Variants in ASIC2 observed in about 807,000 individuals in gnomAD.
ASIC2 encodes the protein acid-sensing ion channel 2.
Under a neutral mutation model 57.3 loss-of-function variants are expected in ASIC2, and 25 were observed. The observed-to-expected ratio is 0.44, with a 90% CI of 0.32 to 0.61. ASIC2 has a LOEUF of 0.61. ASIC2 is among the 20% of genes least tolerant of loss of function. The probability of loss-of-function intolerance (pLI) is 0.06; values close to 1 mark genes in which losing one functional copy is unlikely to be tolerated. For synonymous variants in ASIC2, 319 were observed against 307.5 expected (o/e 1.04, Z -0.39); for missense variants, 641 against 738.1 (o/e 0.87, Z 1.52).
chr17:33,968,487 C>T lies in ASIC2; in HGVS notation c.555+187491G>A, dbSNP rs184433535. ...CTTTTCCCGCACTGCAAGGGAGAAA[C>T]GGAACAGATTGCAGGAGCAATTAAA... On this transcript the variant is annotated intron_variant, in intron 1 of 9. Coordinates refer to the ASIC2 transcript ENST00000359872. Among the ~76,000 whole-genome samples the T allele has an allele frequency of 2.0e-4, 30 of 152,324 alleles. No homozygotes were observed. The East Asian group carries it at 4.8e-3, about 25-fold the overall frequency.
At chr17:33,957,739 T>A (rs1904781117) in intron 1 of ASIC2, among the ~76,000 whole-genome samples, 1 of 152,090 alleles carries the variant, frequency 6.6e-6, no homozygotes, top group Admixed American at 6.5e-5. Flanking sequence ...ATTATTCCAC[T>A]CCTGGCCCCT....
chr17:33,319,353 GAC>G (rs1375351285), intron 1 of ASIC2, among the ~76,000 whole-genome samples: 5 of 152,206 alleles, frequency 3.3e-5, no homozygotes, highest in African/African-American at 1.2e-4. Flanking sequence ...TCAGGATTGG[GAC>G]ACGTAGCTGC....
chr17:33,150,952 C>A lies in ASIC2; in HGVS notation c.709-38885G>T, dbSNP rs1272851263. On this transcript the variant is annotated intron_variant, in intron 1 of 9. Transcript: ENST00000225823. Reference sequence around the variant, plus strand: ...GGCTGAGGTAGGAGAATTGCTTGAACCCAGGAGGTGGAGGTTGCAGTGAGC... The same window carrying A: ...GGCTGAGGTAGGAGAATTGCTTGAAACCAGGAGGTGGAGGTTGCAGTGAGC... Among the ~76,000 whole-genome samples the A allele has an allele frequency of 4.6e-5, 7 of 151,740 alleles. No individual in the cohort carries two copies. In the East Asian group the frequency reaches 1.4e-3, roughly 29 times the overall value.
intron 1 of ASIC2, among the ~76,000 whole-genome samples, chr17:33,636,522 A>C (rs17836889): frequency 0.35 from 53,777 of 151,966 alleles, 10,026 homozygotes; most frequent in East Asian, 0.5. Context: ...ATTCAGGTGG[A>C]AAGCTTGGGA....
chr17:33,179,229 A>C (rs1424547129), intron 1 of ASIC2, among the ~76,000 whole-genome samples: 1 of 152,154 alleles, frequency 6.6e-6, no homozygotes, highest in African/African-American at 2.4e-5. Flanking sequence ...CCATCCTTCC[A>C]GTTTCTTGGC....
At chr17:33,313,882 T>G (rs1390096721) in intron 1 of ASIC2, among the ~76,000 whole-genome samples, 2 of 152,034 alleles carry the variant, frequency 1.3e-5, no homozygotes, top group Non-Finnish European at 2.9e-5. Context: ...AGACTTGGCC[T>G]GACAGAGATG....
At position 33,547,954 on chromosome 17, in the gene ASIC2, CT is replaced by C. The variant is rs1385727611; in HGVS notation, c.556-435888del. ...GGACAAGAGGAATGACAGATGGCAG[CT>C]GATACAGCCAGCCATCACAGCCAGG... On this transcript the variant is annotated intron_variant, in intron 1 of 9. Transcript: ENST00000359872. Among the ~76,000 whole-genome samples the C allele has an allele frequency of 2.0e-5, 3 of 152,348 alleles. No individual in the cohort carries two copies. In the East Asian group the frequency reaches 5.8e-4, roughly 29 times the overall value.
intron 1 of ASIC2, among the ~76,000 whole-genome samples, chr17:33,859,049 GTAC>G (rs1395822615): frequency 1.3e-5 from 2 of 152,230 alleles, no homozygotes; most frequent in Admixed American, 1.3e-4. Flanking sequence ...TGCTGAGTAT[GTAC>G]TACATGCCAT....
At chr17:34,109,049 ATTT>A (rs11444981) in intron 1 of ASIC2, among the ~76,000 whole-genome samples, 3 of 150,072 alleles carry the variant, frequency 2.0e-5, no homozygotes, top group African/African-American at 7.3e-5. Flanking sequence ...ATTTTATTTT[ATTT>A]TTATTTTATT....
intron 1 of ASIC2, among the ~76,000 whole-genome samples, chr17:33,503,301 T>C (rs1262288488): frequency 6.6e-6 from 1 of 152,188 alleles, no homozygotes; most frequent in Non-Finnish European, 1.5e-5. Flanking sequence ...CTCTATTTAA[T>C]ACCTGTCCTG....
chr17:33,269,690 CCT>C lies in ASIC2; in HGVS notation c.708+21716_708+21717del, dbSNP rs1567805308. ...TCCTTCCTTCCCTCCCTCCCTCCTG[CCT>C]GCCTGCCTGCCTGCCTGCCTTTCCT... On this transcript the variant is annotated intron_variant, in intron 1 of 9. Transcript: ENST00000225823. Among the ~76,000 whole-genome samples the C allele has an allele frequency of 3.5e-3, 223 of 63,890 alleles. 3 individuals are homozygous for C. The highest frequency in any genetic ancestry group is 9.3e-3 in the Middle Eastern group (1 of 108). The allele number at this position is 63,890 out of a possible 152,430, so 41.9% of individuals were successfully genotyped here.
At chr17:33,680,148 A>C (rs1325956426) in intron 1 of ASIC2, among the ~76,000 whole-genome samples, 1 of 152,084 alleles carries the variant, frequency 6.6e-6, no homozygotes, top group African/African-American at 2.4e-5. Context: ...CAGGAGGCTT[A>C]AAGATTGGGA....
At chr17:33,905,831 A>G (rs317351) in intron 1 of ASIC2, among the ~76,000 whole-genome samples, 135,730 of 151,816 alleles carry the variant, frequency 0.89, 60,892 homozygotes, top group African/African-American at 0.97. Flanking sequence ...GTTTTTTTGC[A>G]TCAGGTTCTT....
chr17:34,062,256 A>G (rs771500134), intron 1 of ASIC2, among the ~76,000 whole-genome samples: 26 of 152,168 alleles, frequency 1.7e-4, no homozygotes, highest in Non-Finnish European at 3.5e-4. Context: ...AAATTAAATA[A>G]CCTTCTCCTG....
intron 1 of ASIC2, among the ~76,000 whole-genome samples, chr17:34,099,725 GGAAAGAAGGAAAGAAAGAAAGAAA>G (rs1476778682): frequency 4.5e-5 from 3 of 66,258 alleles, no homozygotes; most frequent in Admixed American, 1.9e-4. Context: ...AAAGAAAGAA[GGAAAGAAGGAAAGAAAGAAAGAAA>G]GAAAGAAAGA....
chr17:33,711,692 AG>A (rs1340264870), intron 1 of ASIC2, among the ~76,000 whole-genome samples: 1 of 152,140 alleles, frequency 6.6e-6, no homozygotes, highest in Non-Finnish European at 1.5e-5. Flanking sequence ...GAGAGAGTGA[AG>A]GGGGAAATGC....
chr17:33,821,978 G>T (rs116027242), intron 1 of ASIC2, among the ~76,000 whole-genome samples: 21 of 152,282 alleles, frequency 1.4e-4, no homozygotes, highest in African/African-American at 4.8e-4. Context: ...TGGGGATGCA[G>T]CATGTGATTT....
intron 1 of ASIC2, chr17:33,580,095 C>T (rs1904380450): frequency 1.3e-5 from 2 of 152,196 alleles, no homozygotes; most frequent in Admixed American, 6.5e-5. Context: ...GCTGGCTTCA[C>T]GTCTTATTAA....
At chr17:33,632,216 C>T (rs1447861890) in intron 1 of ASIC2, among the ~76,000 whole-genome samples, 2 of 152,122 alleles carry the variant, frequency 1.3e-5, no homozygotes, top group Non-Finnish European at 2.9e-5. Flanking sequence ...AATCCCTTGG[C>T]TAGTATGTAG....
Sources: gnomAD v4.1 joint callset for allele counts (sites outside exome capture counted in the v4.1 genomes callset) on GRCh38, gnomAD v4.1.1 for gene constraint, MANE v1.5 for transcripts, NCBI Gene and HGNC (gene_info 2026-07-23, HGNC 2026-07-21) for gene names.